LAMC3: variants seen among roughly 807,000 people sequenced by gnomAD.
LAMC3 encodes the protein laminin subunit gamma 3.
Under a neutral mutation model 173.8 loss-of-function variants are expected in LAMC3, and 128 were observed. That is an observed-to-expected ratio of 0.74 (90% CI 0.64 to 0.85). LAMC3 has a LOEUF of 0.85. Ranked by LOEUF, LAMC3 falls within the 40% of genes least tolerant of loss-of-function variation. LAMC3 has a pLI of 0.00. For synonymous variants in LAMC3, 897 were observed against 909.1 expected, an observed-to-expected ratio of 0.99 and a Z score of 0.24; for missense variants, 2,022 against 2,156.0, an observed-to-expected ratio of 0.94 and a Z score of 1.23.
In LAMC3 at chr9:131,068,153, T is replaced by C. The variant is rs768122812; in HGVS notation, c.2669T>C (p.Leu890Pro). The C allele has an allele frequency of 1.2e-6, 2 of 1,613,428 alleles. No homozygotes were observed. Among genetic ancestry groups the C allele is most frequent in the South Asian group, 2.2e-5 (2 of 91,088 alleles). Residue 890 changes from leucine to proline, a missense_variant, in exon 15 of 28, where the codon CTG becomes CCG. By Grantham distance (98) the Leu-to-Pro change is moderately conservative (BLOSUM62 -3). Transcript: ENST00000361069. ...CCAGTGACAGGCCAATGCTCCTGCC[T>C]GCCTCATGTGACTGCACGGGACTGC... ...CDPVTGQCSC[L>P]PHVTARDCSR...
chr9:131,076,321 C>T (rs573079847), intron 21 of LAMC3, among the ~76,000 whole-genome samples: 1 of 152,130 alleles, frequency 6.6e-6, no homozygotes, highest in African/African-American at 2.4e-5. Flanking sequence ...CTCTGAGGCA[C>T]CAGCTTCTTT....
At chr9:131,044,998 G>A (rs1014917368) in intron 7 of LAMC3, among the ~76,000 whole-genome samples, 9 of 152,096 alleles carry the variant, frequency 5.9e-5, no homozygotes, top group African/African-American at 2.2e-4. Context: ...TGAGGCGGGC[G>A]GATCCCCTGA....
At chr9:131,056,882 A>T in intron 11 of LAMC3, 47 bp from the exon 12 acceptor site, 2 of 1,474,318 alleles carry the variant, frequency 1.4e-6, no homozygotes, top group Non-Finnish European at 9.4e-7. Flanking sequence ...AAGCATGTGC[A>T]GGGAGCTTGT....
At chr9:131,021,557 C>T (rs139219814) in intron 1 of LAMC3, among the ~76,000 whole-genome samples, 1 of 152,286 alleles carries the variant, frequency 6.6e-6, no homozygotes, top group Non-Finnish European at 1.5e-5. Flanking sequence ...ACACAGAAGA[C>T]TTCTGTGACC....
At chr9:131,074,845 C>A (rs1830095949) in intron 20 of LAMC3, among the ~76,000 whole-genome samples, 2 of 152,118 alleles carry the variant, frequency 1.3e-5, no homozygotes, top group Admixed American at 6.6e-5. Flanking sequence ...CCTAAGGACA[C>A]ACAGCTTGGA....
chr9:131,020,679 G>A (rs962100507), intron 1 of LAMC3, among the ~76,000 whole-genome samples: 2 of 152,192 alleles, frequency 1.3e-5, no homozygotes, highest in African/African-American at 4.8e-5. Context: ...AACAGACGAG[G>A]GGCTGAGAGA....
At chr9:131,085,818 G>A (rs559700575) in intron 25 of LAMC3, 95 bp downstream of exon 25, 27 of 1,182,208 alleles carry the variant, frequency 2.3e-5, no homozygotes, top group South Asian at 1.3e-5. Flanking sequence ...TGACTACTCC[G>A]CACTCACTCA....
At chr9:131,075,428 C>T (rs1830106020) in intron 20 of LAMC3, among the ~76,000 whole-genome samples, 1 of 151,636 alleles carries the variant, frequency 6.6e-6, no homozygotes, top group Admixed American at 6.6e-5. Context: ...CAAAAATTAA[C>T]TGGTGCACAC....
intron 6 of LAMC3, among the ~76,000 whole-genome samples, chr9:131,040,407 G>A (rs1762512559): frequency 6.6e-6 from 1 of 152,026 alleles, no homozygotes; most frequent in Non-Finnish European, 1.5e-5. Flanking sequence ...TCAAGCTCCT[G>A]GGCTCAAGTA....
At chr9:131,045,926 G>A (rs1834146476) in intron 8 of LAMC3, among the ~76,000 whole-genome samples, 1 of 152,180 alleles carries the variant, frequency 6.6e-6, no homozygotes, top group East Asian at 1.9e-4. Context: ...GATCCTGTAG[G>A]GGAATTTCCC....
At chr9:131,077,704 A>C (rs1430475435) in intron 22 of LAMC3, among the ~76,000 whole-genome samples, 17 of 149,012 alleles carry the variant, frequency 1.1e-4, no homozygotes, top group African/African-American at 3.7e-4. Context: ...AAAAAAAAAA[A>C]AAAAAAAAAC....
chr9:131,088,051 T>C (rs927288910), intron 27 of LAMC3, among the ~76,000 whole-genome samples: 4 of 152,140 alleles, frequency 2.6e-5, no homozygotes, highest in Non-Finnish European at 4.4e-5. Flanking sequence ...TGTTTGTGCC[T>C]CCAGGGCCCT....
At position 131,071,459 on chromosome 9, in the gene LAMC3, C is replaced by T. The variant is rs774362515; in HGVS notation, c.3070-25C>T. On this transcript the variant is annotated intron_variant, in intron 17 of 27. Transcript: ENST00000361069. ...GGACCTCCATGCCACCAGCCTCATA[C>T]ACCTTTTCTTCCTGTCCTCTCCAGG... is the stretch of plus-strand genomic sequence containing the variant. The T allele has an allele frequency of 6.3e-6, 10 of 1,592,152 alleles. No individual in the cohort carries two copies. In the Middle Eastern group the frequency reaches 5.0e-4, roughly 79 times the overall value.
At chr9:131,033,739 T>C (rs1003903048) in intron 3 of LAMC3, among the ~76,000 whole-genome samples, 1 of 150,688 alleles carries the variant, frequency 6.6e-6, no homozygotes, top group Non-Finnish European at 1.5e-5. Flanking sequence ...AGGGCTGGGG[T>C]GTGGGGCGCG....
intron 12 of LAMC3, among the ~76,000 whole-genome samples, chr9:131,059,001 C>T (rs755070107): frequency 6.7e-6 from 1 of 149,840 alleles, no homozygotes. Context: ...GGTTCAAGAC[C>T]AGCGTGGCCA....
chr9:131,075,344 T>C (rs1258216786), intron 20 of LAMC3, among the ~76,000 whole-genome samples: 1 of 151,940 alleles, frequency 6.6e-6, no homozygotes, highest in Non-Finnish European at 1.5e-5. Flanking sequence ...GAGGCCGAGG[T>C]GGGTGGATCG....
In LAMC3 at chr9:131,072,750, C is replaced by T; in HGVS notation, c.3332C>T (p.Thr1111Ile). The change falls in exon 19 of 28, where the codon ACC becomes ATC. Residue 1111 changes from threonine to isoleucine, a missense_variant. Thr to Ile is a moderately conservative substitution (Grantham distance 89, BLOSUM62 -1). Coordinates refer to ENST00000361069, the MANE Select transcript of LAMC3 (RefSeq NM_006059.4). ...TGTGCCCAGGCCGGATCCCAGAAGA[C>T]CTGCACCCAGCTGGCAGACCTGGAG... ...ARCAQAGSQKTCTQLADLEAV... is the reference protein window; with the variant it reads ...ARCAQAGSQKICTQLADLEAV... The T allele has an allele frequency of 6.2e-7, 1 of 1,613,282 alleles. No homozygotes were observed. The highest frequency in any genetic ancestry group is 1.1e-5 in the South Asian group (1 of 90,822).
chr9:131,032,206 G>T, intron 3 of LAMC3, 31 bp downstream of exon 3: 1 of 1,342,184 alleles, frequency 7.5e-7, no homozygotes, highest in Non-Finnish European at 1.0e-6. Flanking sequence ...AGGGTGGCAG[G>T]GCTCCAGGAC....
intron 7 of LAMC3, among the ~76,000 whole-genome samples, chr9:131,043,359 C>T (rs1411171084): frequency 1.3e-5 from 2 of 152,190 alleles, no homozygotes; most frequent in Non-Finnish European, 2.9e-5. Flanking sequence ...ACCAGAGCTG[C>T]TTGGAGAAGT....
Sources: allele counts gnomAD v4.1 joint callset (sites outside exome capture counted in the v4.1 genomes callset), GRCh38; gene constraint gnomAD v4.1.1; transcripts MANE v1.5; gene names NCBI Gene and HGNC (gene_info 2026-07-23, HGNC 2026-07-21).